Variants in CDK19 observed in about 807,000 individuals in gnomAD.
CDK19 encodes the protein cyclin dependent kinase 19, also known as cyclin-dependent kinase 19.
CDK19 carries 20 observed loss-of-function variants against 68.3 expected under a neutral mutation model. The ratio of observed to expected loss-of-function variants is 0.29; its 90% CI spans 0.21 to 0.43. The LOEUF (loss-of-function observed/expected upper bound fraction) is 0.43, where lower values mean the gene tolerates loss of function less well. CDK19 is among the 20% of genes least tolerant of loss of function. The probability of loss-of-function intolerance (pLI) is 1.00; values close to 1 mark genes in which losing one functional copy is unlikely to be tolerated. For missense variants in CDK19, 339 were observed against 623.5 expected, an observed-to-expected ratio of 0.54 and a Z score of 4.86; for synonymous variants, 221 against 222.8, an observed-to-expected ratio of 0.99 and a Z score of 0.07.
At chr6:110,642,479 G>A (rs571400282) in intron 4 of CDK19, among the ~76,000 whole-genome samples, 12 of 152,168 alleles carry the variant, frequency 7.9e-5, no homozygotes, top group Admixed American at 2.6e-4. Context: ...CCTTGCCCTC[G>A]TGGAGCTTAC....
At chr6:110,623,657 C>G (rs1013114804) in intron 8 of CDK19, among the ~76,000 whole-genome samples, 26 of 151,214 alleles carry the variant, frequency 1.7e-4, no homozygotes, top group Non-Finnish European at 3.4e-4. Context: ...AGGCACATAC[C>G]TGAGTCAAAG....
At chr6:110,615,344 C>T (rs1373459291) in intron 12 of CDK19, among the ~76,000 whole-genome samples, 1 of 152,116 alleles carries the variant, frequency 6.6e-6, no homozygotes, top group Non-Finnish European at 1.5e-5. Context: ...CCTTCATCTT[C>T]ATAGTACCTA....
intron 1 of CDK19, among the ~76,000 whole-genome samples, chr6:110,790,809 A>C (rs1017085857): frequency 2.0e-5 from 3 of 152,246 alleles, no homozygotes; most frequent in African/African-American, 7.2e-5. Flanking sequence ...AGTTATAAAT[A>C]AGCATCAATC....
chr6:110,675,981 A>G (rs112995155), intron 2 of CDK19, among the ~76,000 whole-genome samples: 2 of 152,328 alleles, frequency 1.3e-5, no homozygotes, highest in African/African-American at 4.8e-5. Flanking sequence ...GCTGCCATAG[A>G]TTGTGATTTC....
At chr6:110,755,467 T>C (rs532967498) in intron 1 of CDK19, among the ~76,000 whole-genome samples, 45 of 152,204 alleles carry the variant, frequency 3.0e-4, no homozygotes, top group African/African-American at 1.0e-3. Context: ...GTGGAGGGGA[T>C]AGACAGGGAC....
At chr6:110,671,965 A>G (rs1262050538) in intron 2 of CDK19, among the ~76,000 whole-genome samples, 1 of 152,110 alleles carries the variant, frequency 6.6e-6, no homozygotes, top group African/African-American at 2.4e-5. Context: ...TTTAGTAGAG[A>G]TAGGGTTTTA....
chr6:110,623,741 TA>T (rs1778867222), intron 8 of CDK19, among the ~76,000 whole-genome samples: 1 of 144,434 alleles, frequency 6.9e-6, no homozygotes, highest in African/African-American at 2.6e-5. Context: ...ATGGCCAATA[TA>T]TATATATATA....
intron 1 of CDK19, among the ~76,000 whole-genome samples, chr6:110,774,175 C>T (rs984226313): frequency 7.9e-5 from 12 of 152,044 alleles, no homozygotes; most frequent in African/African-American, 1.4e-4. Context: ...TATATTCTTA[C>T]GAAAAGAACC....
intron 2 of CDK19, among the ~76,000 whole-genome samples, chr6:110,729,626 A>G (rs1776603091): frequency 8.4e-6 from 1 of 118,932 alleles, no homozygotes; most frequent in East Asian, 2.3e-4. Context: ...TTTTTTTAGT[A>G]GAGATGGGGT....
Position 110,621,206 on chromosome 6 carries a change from G to A in CDK19, c.1275C>T (p.His425=). 6.2e-7 allele frequency: 1 copy of A among 1,613,982 alleles called. No individual in the cohort carries two copies. Residue 425 remains histidine (H), a synonymous_variant, in exon 12 of 13, where the codon CAC becomes CAT. Transcript: ENST00000368911. The surrounding 1 kb of genome is among the most constrained non-coding windows in gnomAD (Gnocchi z 5.4). ...GVGGTGAGLQ[H]SQDSSLNQVP... The stretch of plus-strand genomic sequence containing the variant: ...CCTGGTTCAGGCTGGAGTCCTGGCT[G>A]TGCTGCAACCCTGCTCCGGTGCCCC...
intron 1 of CDK19, among the ~76,000 whole-genome samples, chr6:110,802,968 GGTAAGCAACA>G (rs1293445995): frequency 4.6e-5 from 7 of 152,140 alleles, no homozygotes; most frequent in Non-Finnish European, 8.8e-5. Flanking sequence ...AAGTTATAAT[GGTAAGCAACA>G]GTAAGCAACA....
Position 110,614,466 on chromosome 6 carries a change from C to T in CDK19, c.*69G>A, listed in dbSNP as rs1222057568. On this transcript the variant is annotated 3_prime_UTR_variant, in exon 13 of 13. Transcript: ENST00000368911. ...CATCATAGTTTGCATTTTTTTGGTTCTTTTCAATGCAGACATATTGCTGGA... is the reference window on the plus strand; with the variant it reads ...CATCATAGTTTGCATTTTTTTGGTTTTTTTCAATGCAGACATATTGCTGGA... 9.2e-6 allele frequency: 14 copies of T among 1,526,276 alleles called. No individual in the cohort carries two copies. In the Admixed American group the frequency reaches 2.0e-4, roughly 22 times the overall value. 94.5% of individuals were successfully genotyped at this position (1,526,276 alleles called of 1,614,324 possible). A position where few individuals can be genotyped will look rare whatever the true frequency, so the allele number is the denominator to read the frequency against.
chr6:110,749,492 C>T (rs921984723), intron 1 of CDK19, among the ~76,000 whole-genome samples: 3 of 152,022 alleles, frequency 2.0e-5, no homozygotes, highest in Non-Finnish European at 4.4e-5. Context: ...TCCCAAGTAG[C>T]TGGGACTGCA....
chr6:110,658,300 A>G (rs1232712131), intron 4 of CDK19, among the ~76,000 whole-genome samples: 1 of 152,248 alleles, frequency 6.6e-6, no homozygotes, highest in Admixed American at 6.5e-5. Flanking sequence ...CAGCATGACA[A>G]GATTTGCAAT....
At chr6:110,618,796 T>G (rs535471070) in intron 12 of CDK19, among the ~76,000 whole-genome samples, 5 of 144,732 alleles carry the variant, frequency 3.5e-5, no homozygotes, top group Non-Finnish European at 6.0e-5. Context: ...AAAACTTCCT[T>G]CCAGCCCCTG....
intron 12 of CDK19, among the ~76,000 whole-genome samples, chr6:110,619,078 G>C (rs895398794): frequency 6.6e-6 from 1 of 152,056 alleles, no homozygotes; most frequent in Non-Finnish European, 1.5e-5. Flanking sequence ...GGTGTAATGG[G>C]ACACCTGACT....
chr6:110,801,162 G>T (rs1782315405), intron 1 of CDK19, among the ~76,000 whole-genome samples: 1 of 151,998 alleles, frequency 6.6e-6, no homozygotes, highest in Non-Finnish European at 1.5e-5. Flanking sequence ...TAACATTCAA[G>T]CTGAGAACCA....
At chr6:110,631,516 A>G (rs1033142120) in intron 6 of CDK19, among the ~76,000 whole-genome samples, 5 of 152,214 alleles carry the variant, frequency 3.3e-5, no homozygotes, top group Non-Finnish European at 5.9e-5. Flanking sequence ...GAGCACAGCT[A>G]ATCTACCCAG....
rs571155964 is a variant in CDK19 at position 110,647,543 on chromosome 6, A to G, written c.457-8837T>C. On this transcript the variant is annotated intron_variant, in intron 4 of 12. Coordinates refer to ENST00000368911, the MANE Select transcript of CDK19 (RefSeq NM_015076.5). ...ATCTAAAAATCCCATGAATAACTTC[A>G]TATCTATTAATTTGAAAATGTAAAG... 2.6e-5 allele frequency among the ~76,000 whole-genome samples: 4 copies of G among 152,356 alleles called. No homozygotes were observed. The South Asian group carries it at 6.2e-4, about 24-fold the overall frequency.
Sources: gnomAD v4.1 joint callset for allele counts (sites outside exome capture counted in the v4.1 genomes callset) on GRCh38, gnomAD v4.1.1 for gene constraint, Gnocchi (gnomAD v3.1) non-coding constraint, MANE v1.5 for transcripts, NCBI Gene and HGNC (gene_info 2026-07-23, HGNC 2026-07-21) for gene names.